Variants in PCDHGA3 observed in about 807,000 individuals in gnomAD.
PCDHGA3 encodes the protein protocadherin gamma subfamily A, 3.
PCDHGA3 carries 40 observed loss-of-function variants against 58.5 expected under a neutral mutation model. The observed-to-expected ratio is 0.68, with a 90% CI of 0.53 to 0.89. PCDHGA3 has a LOEUF of 0.89. Among genes scored for constraint, PCDHGA3 ranks in the 40% least tolerant of loss-of-function variants. The pLI is 0.00. For missense variants in PCDHGA3, 1,223 were observed against 1,195.9 expected, an observed-to-expected ratio of 1.02 and a Z score of -0.33; for synonymous variants, 530 against 525.7, an observed-to-expected ratio of 1.01 and a Z score of -0.11.
At chr5:141,428,024 A>G (rs2097101613) in intron 1 of PCDHGA3, 1 of 1,606,106 alleles carries the variant, frequency 6.2e-7, no homozygotes, top group African/African-American at 1.3e-5. Context: ...CACGCGCCGC[A>G]GAGTCCGGCT....
At chr5:141,352,463 G>C (rs779356890) in intron 1 of PCDHGA3, 12 of 1,613,902 alleles carry the variant, frequency 7.4e-6, no homozygotes, top group Non-Finnish European at 1.0e-5. Context: ...TGGGCCCGGG[G>C]TTCCTCCCAA....
intron 1 of PCDHGA3, chr5:141,375,739 G>T (rs760131359): frequency 5.6e-6 from 9 of 1,614,126 alleles, no homozygotes; most frequent in East Asian, 4.5e-5. Context: ...GCCTGTTTGT[G>T]CTGGACCAGA....
At chr5:141,382,862 C>T (rs1026124728) in intron 1 of PCDHGA3, 2 of 1,514,358 alleles carry the variant, frequency 1.3e-6, no homozygotes, top group Non-Finnish European at 1.8e-6. Context: ...TGAAGCACTT[C>T]CCGAGATCGG....
intron 1 of PCDHGA3, chr5:141,421,851 T>G: frequency 6.2e-7 from 1 of 1,613,714 alleles, no homozygotes; most frequent in East Asian, 2.2e-5. Context: ...AAGAGGCTGC[T>G]CACCTGCTCC....
At chr5:141,394,297 C>A (rs375160983) in intron 1 of PCDHGA3, 1 of 1,613,990 alleles carries the variant, frequency 6.2e-7, no homozygotes, top group Non-Finnish European at 8.5e-7. Context: ...ACCGAGGACA[C>A]GCTGCAGGGG....
In PCDHGA3 at chr5:141,432,645, C is replaced by A. The variant is rs758701539; in HGVS notation, c.2425-62162C>A. ...CTGCACACGGGCGAGGTGCGCACGG[C>A]GCGAGCCCTGCTGGACAGAGACGCG... On this transcript the variant is annotated intron_variant, in intron 1 of 3. Coordinates refer to ENST00000253812, the MANE Select transcript of PCDHGA3 (RefSeq NM_018916.4). This position sits in a 1 kb window ranked among gnomAD's most constrained non-coding sequence, Gnocchi z 6.0. The A allele has an allele frequency of 1.2e-5, 20 of 1,613,628 alleles. No individual in the cohort carries two copies. The highest frequency in any genetic ancestry group is 1.6e-4 in the Middle Eastern group (1 of 6,066).
chr5:141,508,740 C>G (rs2099871405), intron 3 of PCDHGA3, among the ~76,000 whole-genome samples: 1 of 152,006 alleles, frequency 6.6e-6, no homozygotes. Flanking sequence ...CACCCCCCAC[C>G]CCGCTCTTTC....
intron 1 of PCDHGA3, among the ~76,000 whole-genome samples, chr5:141,354,317 A>G (rs1041876300): frequency 2.6e-5 from 4 of 152,162 alleles, no homozygotes; most frequent in Non-Finnish European, 2.9e-5. Context: ...AAAAATTACT[A>G]CTCTATGAAA....
At chr5:141,451,050 G>A (rs915545429) in intron 1 of PCDHGA3, among the ~76,000 whole-genome samples, 6 of 151,352 alleles carry the variant, frequency 4.0e-5, no homozygotes, top group South Asian at 4.2e-4. Flanking sequence ...GGCTGGTCTC[G>A]AACTCCTGAC....
chr5:141,413,541 G>A, intron 1 of PCDHGA3: 1 of 1,613,904 alleles, frequency 6.2e-7, no homozygotes, highest in Non-Finnish European at 8.5e-7. Flanking sequence ...AACTTTTTGG[G>A]ATAGAAATAG....
intron 1 of PCDHGA3, chr5:141,419,206 G>A: frequency 1.9e-6 from 3 of 1,613,876 alleles, no homozygotes; most frequent in Non-Finnish European, 1.7e-6. Flanking sequence ...ATGACAACGC[G>A]CCGGTTTTCG....
At chr5:141,374,689 G>T in intron 1 of PCDHGA3, 2 of 1,609,578 alleles carry the variant, frequency 1.2e-6, no homozygotes, top group East Asian at 4.5e-5. Flanking sequence ...CACTGGACCG[G>T]GAAGGAGAAG....
intron 1 of PCDHGA3, chr5:141,398,829 C>T (rs1020690994): frequency 3.1e-6 from 5 of 1,613,876 alleles, no homozygotes; most frequent in African/African-American, 2.7e-5. Context: ...AGGTAACCGA[C>T]GCCAATGATA....
chr5:141,361,960 C>T, intron 1 of PCDHGA3: 1 of 1,602,668 alleles, frequency 6.2e-7, no homozygotes, highest in Non-Finnish European at 8.5e-7. Flanking sequence ...CTACCACGTG[C>T]TGCAGGCCAG....
At chr5:141,408,819 G>A in intron 1 of PCDHGA3, 1 of 1,613,520 alleles carries the variant, frequency 6.2e-7, no homozygotes, top group Non-Finnish European at 8.5e-7. Context: ...GAAGAACAGA[G>A]ATCTCATAGC....
At chr5:141,505,579 G>A (rs1047837546) in intron 3 of PCDHGA3, 98 bp downstream of exon 3, 6 of 1,588,858 alleles carry the variant, frequency 3.8e-6, no homozygotes, top group Non-Finnish European at 4.3e-6. Flanking sequence ...TCAAACCTGT[G>A]TAGTTTCTCC....
intron 1 of PCDHGA3, chr5:141,357,022 C>G (rs1318663239): frequency 6.2e-7 from 1 of 1,614,150 alleles, no homozygotes; most frequent in South Asian, 1.1e-5. Flanking sequence ...GTCCTACAGC[C>G]TACTCAAGTC....
chr5:141,485,421 C>G lies in PCDHGA3; in HGVS notation c.2425-9386C>G. The G allele has an allele frequency of 6.2e-7, 1 of 1,614,112 alleles. No individual in the cohort carries two copies. The highest frequency in any genetic ancestry group is 1.1e-5 in the South Asian group (1 of 91,080). ...TTCCGTGTGGATTTGGACAGCGGAG[C>G]CCTGCTCATCAAGAACCCAATCGAC... On this transcript the variant is annotated intron_variant, in intron 1 of 3. Transcript: ENST00000253812. This position sits in a 1 kb window ranked among gnomAD's most constrained non-coding sequence, Gnocchi z 5.7.
intron 1 of PCDHGA3, chr5:141,424,160 CATCT>C (rs1554117117): frequency 1.5e-5 from 4 of 273,202 alleles, no homozygotes; most frequent in South Asian, 1.4e-4. Flanking sequence ...CTCTCCTTCT[CATCT>C]ATCTATCTAT....
Sources: allele counts gnomAD v4.1 joint callset (sites outside exome capture counted in the v4.1 genomes callset), GRCh38; gene constraint gnomAD v4.1.1; non-coding constraint Gnocchi (gnomAD v3.1); transcripts MANE v1.5; gene names NCBI Gene and HGNC (gene_info 2026-07-23, HGNC 2026-07-21).